PAQR5: variants seen among roughly 807,000 people sequenced by gnomAD.
PAQR5 encodes membrane progestin receptor gamma.
A neutral mutation model predicts 34.5 loss-of-function variants in PAQR5; 20 were observed. The observed-to-expected ratio is 0.58, with a 90% CI of 0.41 to 0.84. The LOEUF (loss-of-function observed/expected upper bound fraction) is 0.84. PAQR5 is among the 40% of genes least tolerant of loss of function. PAQR5 has a pLI of 0.00. For synonymous variants in PAQR5, 131 were observed against 155.6 expected, an observed-to-expected ratio of 0.84 and a Z score of 1.18; for missense variants, 378 against 412.7, an observed-to-expected ratio of 0.92 and a Z score of 0.73.
At chr15:69,399,919 G>C (rs971060515) in intron 7 of PAQR5, 55 bp from the exon 8 acceptor site, 12 of 1,558,536 alleles carry the variant, frequency 7.7e-6, no homozygotes, top group African/African-American at 1.4e-5. Flanking sequence ...AGAAGGAAGA[G>C]GGCCTGCCTC....
At chr15:69,399,682 TA>T (rs771493618) in intron 7 of PAQR5, among the ~76,000 whole-genome samples, 1 of 152,208 alleles carries the variant, frequency 6.6e-6, no homozygotes, top group Non-Finnish European at 1.5e-5. Flanking sequence ...CCGATTCAGT[TA>T]AGTAAATAAA....
chr15:69,402,026 G>A (rs1207044267), intron 8 of PAQR5, among the ~76,000 whole-genome samples: 1 of 152,138 alleles, frequency 6.6e-6, no homozygotes, highest in Non-Finnish European at 1.5e-5. Context: ...GAGCCACCAT[G>A]CCCAGCCTTT....
At chr15:69,348,232 T>A (rs2054823150) in intron 2 of PAQR5, among the ~76,000 whole-genome samples, 1 of 152,188 alleles carries the variant, frequency 6.6e-6, no homozygotes, top group Non-Finnish European at 1.5e-5. Flanking sequence ...TAATAGGAAG[T>A]GTTTGTTGAA....
At chr15:69,394,044 A>G (rs1439119269) in intron 6 of PAQR5, among the ~76,000 whole-genome samples, 1 of 151,880 alleles carries the variant, frequency 6.6e-6, no homozygotes, top group African/African-American at 2.4e-5. Context: ...GTTACACAGC[A>G]AGTACTGTAT....
At chr15:69,302,822 C>T (rs1156434737) in intron 1 of PAQR5, among the ~76,000 whole-genome samples, 2 of 152,172 alleles carry the variant, frequency 1.3e-5, no homozygotes, top group Non-Finnish European at 2.9e-5. Context: ...TCACGCATGG[C>T]CCTGCCCAGT....
rs757303122 is a variant in PAQR5, at chr15:69,407,577, A to G, written c.*3755A>G. 5 of 152,200 alleles carry G rather than the reference A, an allele frequency of 3.3e-5. No individual in the cohort carries two copies. The highest frequency in any genetic ancestry group is 6.5e-5 in the Admixed American group (1 of 15,276). The allele number at this position is 152,200 out of a possible 1,614,324, so 9.4% of individuals were successfully genotyped here. On this transcript the variant is annotated 3_prime_UTR_variant, in exon 9 of 9. Coordinates refer to ENST00000395407, the MANE Select transcript of PAQR5 (RefSeq NM_017705.4). ...CAAACTCAGATGTTCTCCAACTTACACTAATGTCTGGTTTTCTTGAACTAT... is the reference window on the plus strand; with the variant it reads ...CAAACTCAGATGTTCTCCAACTTACGCTAATGTCTGGTTTTCTTGAACTAT...
In PAQR5 at chr15:69,384,811, GC is replaced by G. The variant is rs1342233433; in HGVS notation, c.315del (p.Ser106LeufsTer53). On this transcript the variant is annotated frameshift_variant, in exon 5 of 9. Coordinates refer to ENST00000395407, the MANE Select transcript of PAQR5 (RefSeq NM_017705.4). LOFTEE classifies it high-confidence loss of function. ...GTGTCCAGCTGTGCGCACACCTTCA[GC>G]TCTATGTCCAAGAATGCCCGGCACA... ...PLVSSCAHTF[S>X]SMSKNARHIC... 1.8e-5 allele frequency: 29 copies of G among 1,614,054 alleles called. No homozygotes were observed. The highest frequency in any genetic ancestry group is 2.4e-5 in the Non-Finnish European group (28 of 1,180,026).
At chr15:69,370,184 G>A (rs1237154118) in intron 3 of PAQR5, among the ~76,000 whole-genome samples, 1 of 152,242 alleles carries the variant, frequency 6.6e-6, no homozygotes, top group African/African-American at 2.4e-5. Flanking sequence ...GGTTCCACCA[G>A]CTGGGTGCTG....
rs529263186 is a variant in PAQR5, at chr15:69,366,903, C to T, written c.51+6772C>T. ...TTATAATTGTCCTATTTTCTATCTT[C>T]CCGATGTTGCAAAGGTATGATTTTG... is the stretch of plus-strand genomic sequence containing the variant. On this transcript the variant is annotated intron_variant, in intron 3 of 8. Transcript: ENST00000395407. Among the ~76,000 whole-genome samples the T allele has an allele frequency of 9.2e-4, 140 of 151,834 alleles. 1 individual carries two copies. Among genetic ancestry groups the T allele is most frequent in the African/African-American group, 3.3e-3 (135 of 41,394 alleles).
intron 2 of PAQR5, among the ~76,000 whole-genome samples, chr15:69,343,851 A>T (rs1490137740): frequency 5.3e-5 from 8 of 152,202 alleles, no homozygotes; most frequent in Admixed American, 5.2e-4. Flanking sequence ...AAGGAACCCC[A>T]CAATCTCAGC....
chr15:69,355,293 TTTCTTTCTTTC>T (rs1567017092), intron 2 of PAQR5, among the ~76,000 whole-genome samples: 3 of 85,814 alleles, frequency 3.5e-5, no homozygotes, highest in Admixed American at 1.2e-4. Flanking sequence ...CTTTCTTTTC[TTTCTTTCTTTC>T]TTTCTTTCTT....
intron 1 of PAQR5, among the ~76,000 whole-genome samples, chr15:69,305,958 T>A (rs2053706893): frequency 6.6e-6 from 1 of 152,144 alleles, no homozygotes; most frequent in South Asian, 2.1e-4. Context: ...TTTGGGATAG[T>A]ACTAACCCAG....
rs140283192 is a variant in PAQR5, at chr15:69,353,373, T to C, written c.-115-6593T>C. ...GTCAAAACTACCATCCATGGACTCA[T>C]AGAATGCTTTATTCATTGCCATGGT... On this transcript the variant is annotated intron_variant, in intron 2 of 8. Transcript: ENST00000395407. 7.9e-5 allele frequency among the ~76,000 whole-genome samples: 12 copies of C among 152,354 alleles called. No individual in the cohort carries two copies. In the East Asian group the frequency reaches 1.9e-3, roughly 24 times the overall value.
chr15:69,365,325 C>T (rs747525633), intron 3 of PAQR5, among the ~76,000 whole-genome samples: 1 of 151,730 alleles, frequency 6.6e-6, no homozygotes, highest in Non-Finnish European at 1.5e-5. Context: ...CCAGGCTGGT[C>T]TCAAACTCCT....
At chr15:69,387,984 A>G (rs1420409159) in intron 5 of PAQR5, among the ~76,000 whole-genome samples, 1 of 152,028 alleles carries the variant, frequency 6.6e-6, no homozygotes, top group Admixed American at 6.6e-5. Flanking sequence ...ACAACTCCGG[A>G]GCACAGAAGA....
At chr15:69,301,859 A>ATTTTTTTTTTTTTTTTT (rs71149903) in intron 1 of PAQR5, among the ~76,000 whole-genome samples, 18 of 98,850 alleles carry the variant, frequency 1.8e-4, no homozygotes, top group African/African-American at 2.3e-4. Context: ...ATGGGGGGAG[A>ATTTTTTTTTTTTTTTTT]TTTTTTTTTT....
rs1247314018 is a variant in PAQR5, at chr15:69,363,470, T to C, written c.51+3339T>C. ...AGAGGCCTAGAAAAAAGACAACAAG[T>C]TCATATGCAACATGGCGTGACACTT... is the stretch of plus-strand genomic sequence containing the variant. On this transcript the variant is annotated intron_variant, in intron 3 of 8. Transcript: ENST00000395407. 2.6e-5 allele frequency among the ~76,000 whole-genome samples: 4 copies of C among 151,888 alleles called. No homozygotes were observed. In the East Asian group the frequency reaches 7.7e-4, roughly 29 times the overall value.
At chr15:69,375,186 G>T in intron 3 of PAQR5, among the ~76,000 whole-genome samples, 1 of 152,292 alleles carries the variant, frequency 6.6e-6, no homozygotes, top group African/African-American at 2.4e-5. Context: ...TCAAGGTTTG[G>T]ACAGGGGCAG....
chr15:69,342,364 T>A (rs539325607), intron 2 of PAQR5, among the ~76,000 whole-genome samples: 6 of 152,102 alleles, frequency 3.9e-5, no homozygotes, highest in African/African-American at 1.4e-4. Flanking sequence ...TTCAAGCCAT[T>A]TGCCCATTTT....
Sources: gnomAD v4.1 joint callset for allele counts (sites outside exome capture counted in the v4.1 genomes callset) on GRCh38, gnomAD v4.1.1 for gene constraint, MANE v1.5 for transcripts, NCBI Gene and HGNC (gene_info 2026-07-23, HGNC 2026-07-21) for gene names.